CCBE1: variants seen among roughly 807,000 people sequenced by gnomAD.
CCBE1 encodes the protein collagen and calcium binding EGF domains 1.
In CCBE1, 37 loss-of-function variants were observed where a neutral mutation model predicts 50.0. That is an observed-to-expected ratio of 0.74 (90% CI 0.57 to 0.97). The LOEUF is 0.97. Ranked by LOEUF, CCBE1 falls within the 50% of genes least tolerant of loss-of-function variation. The pLI, the probability that CCBE1 is intolerant of heterozygous loss-of-function variation, is 0.00. For missense variants in CCBE1, 538 were observed against 523.8 expected (o/e 1.03, Z -0.26); for synonymous variants, 234 against 203.7 (o/e 1.15, Z -1.27).
intron 2 of CCBE1, among the ~76,000 whole-genome samples, chr18:59,573,189 G>C (rs1048020501): frequency 6.6e-6 from 1 of 150,492 alleles, no homozygotes; most frequent in African/African-American, 2.4e-5. Flanking sequence ...GGAGGCTGAG[G>C]CACCAGAATC....
At chr18:59,492,661 C>T (rs766685699) in intron 2 of CCBE1, among the ~76,000 whole-genome samples, 7 of 152,288 alleles carry the variant, frequency 4.6e-5, no homozygotes, top group South Asian at 2.1e-4. Context: ...TGACACCACT[C>T]GGTTGTGCAT....
At chr18:59,469,089 G>A (rs1283839819) in intron 4 of CCBE1, among the ~76,000 whole-genome samples, 1 of 152,170 alleles carries the variant, frequency 6.6e-6, no homozygotes, top group East Asian at 1.9e-4. Context: ...CTCCCAACCT[G>A]TCTGCCATAT....
intron 2 of CCBE1, among the ~76,000 whole-genome samples, chr18:59,648,205 A>T (rs1158614236): frequency 6.6e-6 from 1 of 152,262 alleles, no homozygotes; most frequent in African/African-American, 2.4e-5. Context: ...AGTGTGAGGC[A>T]GCTGGAGCAT....
intron 2 of CCBE1, among the ~76,000 whole-genome samples, chr18:59,581,896 CCACAGCAG>C (rs887053304): frequency 3.3e-4 from 50 of 152,318 alleles, no homozygotes; most frequent in African/African-American, 1.1e-3. Context: ...TCTTATCCAA[CCACAGCAG>C]CAGTTCCATT....
intron 2 of CCBE1, among the ~76,000 whole-genome samples, chr18:59,512,286 G>T (rs1483073632): frequency 6.6e-6 from 1 of 152,232 alleles, no homozygotes; most frequent in African/African-American, 2.4e-5. Context: ...TGGCAAAACT[G>T]AAAGAGCACA....
chr18:59,519,081 G>A (rs1487088709), intron 2 of CCBE1, among the ~76,000 whole-genome samples: 7 of 152,134 alleles, frequency 4.6e-5, no homozygotes, highest in East Asian at 1.9e-4. Context: ...AACTTAAGTC[G>A]TTGTCTCAGG....
chr18:59,551,717 T>C (rs1418998179), intron 2 of CCBE1, among the ~76,000 whole-genome samples: 1 of 152,218 alleles, frequency 6.6e-6, no homozygotes, highest in Non-Finnish European at 1.5e-5. Context: ...GATTCAGGAC[T>C]TCTTTGTTGA....
chr18:59,550,499 G>T (rs1206739307), intron 2 of CCBE1, among the ~76,000 whole-genome samples: 1 of 152,098 alleles, frequency 6.6e-6, no homozygotes, highest in East Asian at 1.9e-4. Flanking sequence ...CCTCCGCAGT[G>T]GGCTGACTCC....
intron 2 of CCBE1, among the ~76,000 whole-genome samples, chr18:59,598,193 C>G (rs1443842134): frequency 2.0e-5 from 3 of 152,186 alleles, no homozygotes; most frequent in African/African-American, 7.2e-5. Context: ...TACCGAGTAT[C>G]AAGGGAGTTT....
chr18:59,449,856 T>G (rs756401611), intron 6 of CCBE1, among the ~76,000 whole-genome samples: 9 of 152,114 alleles, frequency 5.9e-5, no homozygotes, highest in Non-Finnish European at 8.8e-5. Context: ...CTTTGCTTGA[T>G]TTGGCCTCTT....
At chr18:59,597,830 C>A (rs1007852405) in intron 2 of CCBE1, among the ~76,000 whole-genome samples, 2 of 152,124 alleles carry the variant, frequency 1.3e-5, no homozygotes, top group African/African-American at 4.8e-5. Flanking sequence ...GTCTCGAAAC[C>A]ATTGAACACA....
chr18:59,620,540 A>G (rs1469206631), intron 2 of CCBE1, among the ~76,000 whole-genome samples: 1 of 152,194 alleles, frequency 6.6e-6, no homozygotes, highest in Non-Finnish European at 1.5e-5. Flanking sequence ...GTCCCCACCC[A>G]AATTCCATCT....
chr18:59,646,907 C>G (rs983999493), intron 2 of CCBE1, among the ~76,000 whole-genome samples: 1 of 152,180 alleles, frequency 6.6e-6, no homozygotes, highest in African/African-American at 2.4e-5. Context: ...CCCAGAAAGC[C>G]GTTTTAGTCC....
At chr18:59,511,620 TTATTC>T (rs1307636401) in intron 2 of CCBE1, among the ~76,000 whole-genome samples, 1 of 152,252 alleles carries the variant, frequency 6.6e-6, no homozygotes. Flanking sequence ...AACATTCAAA[TTATTC>T]TGTTCTAGCT....
At chr18:59,622,549 TC>T (rs2053726656) in intron 2 of CCBE1, among the ~76,000 whole-genome samples, 2 of 148,966 alleles carry the variant, frequency 1.3e-5, no homozygotes, top group South Asian at 4.2e-4. Flanking sequence ...ACACCTGTAA[TC>T]CCAGCACTTT....
At chr18:59,558,499 A>T (rs535871916) in intron 2 of CCBE1, among the ~76,000 whole-genome samples, 1 of 152,352 alleles carries the variant, frequency 6.6e-6, no homozygotes, top group African/African-American at 2.4e-5. Context: ...GCACATGTGT[A>T]TAACTCCACT....
chr18:59,498,216 T>C lies in CCBE1; in HGVS notation c.213-17978A>G, dbSNP rs145449416. On this transcript the variant is annotated intron_variant, in intron 2 of 10. Coordinates refer to ENST00000439986, the MANE Select transcript of CCBE1 (RefSeq NM_133459.4). ...AAGATCTTTTTTTTTTGTCCAGTTA[T>C]ACTGGTGACAAAAGATACAATTTTG... Among the ~76,000 whole-genome samples the C allele has an allele frequency of 4.4e-3, 669 of 152,266 alleles. 7 individuals are homozygous for C. The highest frequency in any genetic ancestry group is 3.9e-3 in the Non-Finnish European group (268 of 68,016).
chr18:59,583,688 C>T (rs879337455), intron 2 of CCBE1, among the ~76,000 whole-genome samples: 10,391 of 128,214 alleles, frequency 0.081, 1,067 homozygotes, highest in African/African-American at 0.27. Flanking sequence ...TGTGCGCGCG[C>T]GCGCGCGCGC....
chr18:59,497,093 A>G lies in CCBE1; in HGVS notation c.213-16855T>C, dbSNP rs534861994. On this transcript the variant is annotated intron_variant, in intron 2 of 10. Transcript: ENST00000439986. ...TAAAGTACCTAGTATAGCACCTACT[A>G]TATAATACATGTCCACTAAAGAGTA... Among the ~76,000 whole-genome samples the G allele has an allele frequency of 2.2e-4, 34 of 152,346 alleles. 1 individual carries two copies. Among genetic ancestry groups the G allele is most frequent in the African/African-American group, 7.0e-4 (29 of 41,580 alleles).
Sources: gnomAD v4.1 joint callset for allele counts (sites outside exome capture counted in the v4.1 genomes callset) on GRCh38, gnomAD v4.1.1 for gene constraint, MANE v1.5 for transcripts, NCBI Gene and HGNC (gene_info 2026-07-23, HGNC 2026-07-21) for gene names.